Variants in TULP4 observed in about 807,000 individuals in gnomAD.
TULP4 encodes the protein TUB like protein 4.
A neutral mutation model predicts 129.0 loss-of-function variants in TULP4; 16 were observed. The observed-to-expected ratio is 0.12, with a 90% confidence interval of 0.08 to 0.19. The LOEUF (loss-of-function observed/expected upper bound fraction) is 0.19. TULP4 is among the 10% of genes least tolerant of loss of function. The pLI, the probability that TULP4 is intolerant of heterozygous loss-of-function variation, is 1.00. For missense variants in TULP4, 1,842 were observed against 2,059.1 expected, an observed-to-expected ratio of 0.89 and a Z score of 2.04; for synonymous variants, 998 against 854.0, an observed-to-expected ratio of 1.17 and a Z score of -2.94.
At chr6:158,387,394 T>G (rs1347932124) in intron 1 of TULP4, among the ~76,000 whole-genome samples, 1 of 152,192 alleles carries the variant, frequency 6.6e-6, no homozygotes, top group Non-Finnish European at 1.5e-5. Flanking sequence ...ATTGGGACTG[T>G]ACAGTGGCTG....
chr6:158,503,854 T>C lies in TULP4; in HGVS notation c.4191T>C (p.Asn1397=), dbSNP rs1348403142. 2 of 1,614,016 alleles carry C rather than the reference T, an allele frequency of 1.2e-6. No individual in the cohort carries two copies. Among genetic ancestry groups the C allele is most frequent in the Admixed American group, 1.7e-5 (1 of 60,020 alleles). ...QKDQLKSKKL[N]KTNEFQDSSE... is the part of the protein sequence containing the mutation. ...ACCAACTGAAGTCAAAGAAGTTGAATAAGACAAACGAGTTCCAGGACAGCT... is the reference window on the plus strand; with the variant it reads ...ACCAACTGAAGTCAAAGAAGTTGAACAAGACAAACGAGTTCCAGGACAGCT... The change falls in exon 13 of 14, where the codon AAT becomes AAC. Residue 1397 remains asparagine, a synonymous_variant. Transcript: ENST00000367097. This position sits in a 1 kb window ranked among gnomAD's most constrained non-coding sequence, Gnocchi z 4.3.
intron 1 of TULP4, among the ~76,000 whole-genome samples, chr6:158,300,884 G>C (rs1432879418): frequency 6.6e-6 from 1 of 152,164 alleles, no homozygotes; most frequent in Non-Finnish European, 1.5e-5. Flanking sequence ...TTCCAGGTGA[G>C]AGCAAATTTA....
chr6:158,510,696 G>A lies in TULP4; in HGVS notation c.*4002G>A, dbSNP rs1780718983. ...GAATATACAAAAGTACTGATTCTAGGTAAGAAGGAGTCTCCACGGGTGTGC... is the reference window on the plus strand; with the variant it reads ...GAATATACAAAAGTACTGATTCTAGATAAGAAGGAGTCTCCACGGGTGTGC... On this transcript the variant is annotated 3_prime_UTR_variant, in exon 14 of 14. Transcript: ENST00000367097. The A allele has an allele frequency of 6.6e-6, 1 of 152,190 alleles. No homozygotes were observed. The highest frequency in any genetic ancestry group is 2.1e-4 in the South Asian group (1 of 4,832). The allele number at this position is 152,190 out of a possible 1,614,324, so 9.4% of individuals were successfully genotyped here. A position where few individuals can be genotyped will look rare whatever the true frequency, so the allele number is the denominator to read the frequency against.
intron 1 of TULP4, among the ~76,000 whole-genome samples, chr6:158,234,282 C>T (rs933940185): frequency 1.3e-5 from 2 of 152,084 alleles, no homozygotes; most frequent in East Asian, 1.9e-4. Flanking sequence ...ATGTGTGGTA[C>T]CTGAAGCCTG....
chr6:158,307,636 C>G (rs1779240314), upstream of TULP4, among the ~76,000 whole-genome samples: 1 of 152,178 alleles, frequency 6.6e-6, no homozygotes, highest in Non-Finnish European at 1.5e-5. Context: ...CACCTGCCAC[C>G]ACACCCAGCT....
At position 158,303,234 on chromosome 6, in the gene TULP4, T is replaced by C. The variant is rs564765391; in HGVS notation, n.117-8817T>C. ...TGAGCAATTGACTCACCAGCCAGAG[T>C]GGAAACAGGAATTTCAATGTAGGTT... is the stretch of plus-strand genomic sequence containing the variant. On this transcript the variant is annotated intron_variant and non_coding_transcript_variant, in intron 1 of 1. Coordinates refer to the TULP4 transcript ENST00000432358. Among the ~76,000 whole-genome samples the C allele has an allele frequency of 6.6e-5, 10 of 151,674 alleles. No homozygotes were observed. In the East Asian group the frequency reaches 1.9e-3, roughly 29 times the overall value.
chr6:158,460,455 G>GAA lies in TULP4; in HGVS notation c.860-1099_860-1098dup, dbSNP rs11385105. Among the ~76,000 whole-genome samples the GAA allele has an allele frequency of 2.7e-3, 404 of 150,078 alleles. 4 individuals carry two copies. The highest frequency in any genetic ancestry group is 9.1e-3 in the African/African-American group (374 of 41,066). On this transcript the variant is annotated intron_variant, in intron 5 of 13. Transcript: ENST00000367097. Reference sequence around the variant, plus strand: ...ATTACGATTTTAGGGTCTTGAAGGAGAAAAAAAAAATGTCATAAATCTTAT... The same window carrying GAA: ...ATTACGATTTTAGGGTCTTGAAGGAGAAAAAAAAAAAATGTCATAAATCTTAT...
At chr6:158,238,415 GTTTT>G (rs71030150) in intron 1 of TULP4, 16 of 320,574 alleles carry the variant, frequency 5.0e-5, no homozygotes, top group South Asian at 1.5e-4. Flanking sequence ...TTGTTAAATT[GTTTT>G]TTTTTTTTTT....
rs111662193 is a variant in TULP4, at chr6:158,239,592, A to G, written n.68+7289A>G. ...GGCGGCTGGCCGGGCAGGGGGGCTG[A>G]CCCCCCCCACCTCCCTCCCGGACGG... On this transcript the variant is annotated intron_variant and non_coding_transcript_variant, in intron 1 of 1. Transcript: ENST00000620026. 2.5e-4 allele frequency among the ~76,000 whole-genome samples: 7 copies of G among 28,148 alleles called. 1 individual carries two copies. The highest frequency in any genetic ancestry group is 3.7e-4 in the African/African-American group (3 of 8,128). 18.5% of individuals were successfully genotyped at this position (28,148 alleles called of 152,430 possible). A position where few individuals can be genotyped will look rare whatever the true frequency, so the allele number is the denominator to read the frequency against.
intron 2 of TULP4, among the ~76,000 whole-genome samples, chr6:158,426,986 T>A (rs752281771): frequency 5.3e-5 from 8 of 152,218 alleles, no homozygotes; most frequent in Non-Finnish European, 8.8e-5. Context: ...GTTTCAGTTG[T>A]GAATGAGAGT....
Position 158,498,831 on chromosome 6 carries a change from A to G in TULP4, c.2014+19A>G. On this transcript the variant is annotated intron_variant, in intron 12 of 13. Transcript: ENST00000367097. ...TTACCAGGTGTGTTCACATACATCA[A>G]CGTGTTTGTCACGGTCCCTCTGTCA... The G allele has an allele frequency of 6.2e-7, 1 of 1,612,732 alleles. No homozygotes were observed. The highest frequency in any genetic ancestry group is 8.5e-7 in the Non-Finnish European group (1 of 1,178,832).
At chr6:158,342,109 T>C (rs9346752) in intron 1 of TULP4, among the ~76,000 whole-genome samples, 130,802 of 151,952 alleles carry the variant, frequency 0.86, 56,722 homozygotes, top group South Asian at 0.93. Context: ...GTAGAAACAG[T>C]GTTTCACCAT....
chr6:158,269,985 A>C (rs949614109), intron 1 of TULP4, among the ~76,000 whole-genome samples: 1 of 152,100 alleles, frequency 6.6e-6, no homozygotes, highest in African/African-American at 2.4e-5. Context: ...CTAGGAAAAA[A>C]CAAAAACACT....
chr6:158,315,182 C>T (rs145368665), intron 1 of TULP4, among the ~76,000 whole-genome samples: 10 of 152,234 alleles, frequency 6.6e-5, no homozygotes, highest in South Asian at 2.1e-4. Flanking sequence ...ATTTGTGCTA[C>T]TATAACAAAA....
chr6:158,343,152 G>T (rs1780222530), intron 1 of TULP4, among the ~76,000 whole-genome samples: 1 of 152,034 alleles, frequency 6.6e-6, no homozygotes, highest in Admixed American at 6.5e-5. Flanking sequence ...GCGCGCCTGG[G>T]CTCTGTATGT....
chr6:158,261,036 G>A (rs117911974), intron 1 of TULP4, among the ~76,000 whole-genome samples: 4,782 of 152,068 alleles, frequency 0.031, 95 homozygotes, highest in Non-Finnish European at 0.04. Context: ...CCAGGCTGGT[G>A]TTGAACTTCT....
chr6:158,362,234 T>C (rs981263675), intron 1 of TULP4, among the ~76,000 whole-genome samples: 1 of 152,226 alleles, frequency 6.6e-6, no homozygotes, highest in South Asian at 2.1e-4. Flanking sequence ...AAAATGATCC[T>C]TTATGGAAAA....
intron 1 of TULP4, among the ~76,000 whole-genome samples, chr6:158,255,607 C>A (rs1046847359): frequency 6.6e-6 from 1 of 152,180 alleles, no homozygotes; most frequent in Admixed American, 6.5e-5. Flanking sequence ...GTGCCTGGAA[C>A]TGTTACAATT....
At chr6:158,323,708 A>G (rs373841054) in intron 1 of TULP4, among the ~76,000 whole-genome samples, 2 of 152,216 alleles carry the variant, frequency 1.3e-5, no homozygotes, top group African/African-American at 2.4e-5. Context: ...GGGCTACATC[A>G]TGGTTGAATG....
Sources: gnomAD v4.1 joint callset for allele counts (sites outside exome capture counted in the v4.1 genomes callset) on GRCh38, gnomAD v4.1.1 for gene constraint, Gnocchi (gnomAD v3.1) non-coding constraint, MANE v1.5 for transcripts, NCBI Gene and HGNC (gene_info 2026-07-23, HGNC 2026-07-21) for gene names.